The following LDLRAD3 variants were observed in gnomAD, a reference collection of about 807,000 sequenced individuals.
LDLRAD3 encodes low density lipoprotein receptor class A domain containing 3, also known as low-density lipoprotein receptor class A domain-containing protein 3.
In LDLRAD3, 20 loss-of-function variants were observed where a neutral mutation model predicts 29.4. The observed-to-expected ratio is 0.68, with a 90% CI of 0.48 to 0.99. The LOEUF (loss-of-function observed/expected upper bound fraction) is 0.99. Ranked by LOEUF, LDLRAD3 falls within the 50% of genes least tolerant of loss-of-function variation. The pLI, the probability that LDLRAD3 is intolerant of heterozygous loss-of-function variation, is 0.00. For synonymous variants in LDLRAD3, 157 were observed against 192.7 expected, an observed-to-expected ratio of 0.81 and a Z score of 1.53; for missense variants, 420 against 454.3, an observed-to-expected ratio of 0.92 and a Z score of 0.69.
chr11:36,192,633 A>G lies in LDLRAD3; in HGVS notation c.455-34452A>G, dbSNP rs543129607. On this transcript the variant is annotated intron_variant, in intron 4 of 5. Transcript: ENST00000315571. ...ATATCTGGCATATGTGCAGGATAAG[A>G]ATTCATTCTCTTTTTCTCTCACACT... is the stretch of plus-strand genomic sequence containing the variant. Among the ~76,000 whole-genome samples, 12 of 152,174 alleles carry G rather than the reference A, an allele frequency of 7.9e-5. No individual in the cohort carries two copies. In the South Asian group the frequency reaches 2.5e-3, roughly 32 times the overall value.
chr11:36,071,954 G>C (rs554090080), intron 2 of LDLRAD3, among the ~76,000 whole-genome samples: 1 of 152,206 alleles, frequency 6.6e-6, no homozygotes, highest in African/African-American at 2.4e-5. Flanking sequence ...ACTTCCCCAC[G>C]TGGTGGCAAT....
intron 1 of LDLRAD3, among the ~76,000 whole-genome samples, chr11:35,968,938 T>C (rs1851376016): frequency 6.6e-6 from 1 of 152,224 alleles, no homozygotes; most frequent in Admixed American, 6.5e-5. Context: ...AACTGGCAGA[T>C]GGGACTCTGT....
At chr11:36,046,309 G>T (rs1006278805) in intron 2 of LDLRAD3, among the ~76,000 whole-genome samples, 2 of 152,228 alleles carry the variant, frequency 1.3e-5, no homozygotes, top group Middle Eastern at 3.4e-3. Context: ...TGCCATGATT[G>T]TGAGGCCTCC....
chr11:36,014,618 C>T (rs1851997466), intron 1 of LDLRAD3, among the ~76,000 whole-genome samples: 1 of 152,130 alleles, frequency 6.6e-6, no homozygotes, highest in Non-Finnish European at 1.5e-5. Flanking sequence ...CCTTCCTCTC[C>T]CAGGGTTCAG....
At chr11:36,170,456 C>T (rs928718980) in intron 4 of LDLRAD3, among the ~76,000 whole-genome samples, 5 of 151,892 alleles carry the variant, frequency 3.3e-5, no homozygotes, top group Admixed American at 3.3e-4. Flanking sequence ...AATTGTGCTG[C>T]TATAAACATG....
chr11:36,095,272 A>C (rs1317730092), intron 3 of LDLRAD3, among the ~76,000 whole-genome samples: 2 of 152,216 alleles, frequency 1.3e-5, no homozygotes, highest in African/African-American at 4.8e-5. Flanking sequence ...AGGCTTTACT[A>C]TTCCTAAATG....
chr11:36,128,227 CAATT>C (rs1853871385), intron 4 of LDLRAD3, among the ~76,000 whole-genome samples: 1 of 150,896 alleles, frequency 6.6e-6, no homozygotes, highest in Non-Finnish European at 1.5e-5. Flanking sequence ...TGTAGGCAAA[CAATT>C]AATCAGCATC....
At chr11:36,144,727 G>A (rs1179219054) in intron 4 of LDLRAD3, among the ~76,000 whole-genome samples, 26 of 136,058 alleles carry the variant, frequency 1.9e-4, no homozygotes, top group African/African-American at 6.7e-4. Context: ...GAGCGTCTCC[G>A]CCCGGCAGCC....
At chr11:36,201,509 C>T (rs1295742440) in intron 4 of LDLRAD3, among the ~76,000 whole-genome samples, 2 of 152,006 alleles carry the variant, frequency 1.3e-5, no homozygotes, top group Non-Finnish European at 2.9e-5. Context: ...TTTGAAAGGA[C>T]AAAGTGTAAA....
intron 4 of LDLRAD3, among the ~76,000 whole-genome samples, chr11:36,203,426 A>G (rs934921898): frequency 1.3e-5 from 2 of 152,218 alleles, no homozygotes; most frequent in Non-Finnish European, 2.9e-5. Context: ...CAGGATTCAG[A>G]CATGGGTCTG....
At chr11:36,162,459 A>G (rs1466172416) in intron 4 of LDLRAD3, among the ~76,000 whole-genome samples, 5 of 152,168 alleles carry the variant, frequency 3.3e-5, no homozygotes, top group African/African-American at 1.2e-4. Flanking sequence ...ATAGCTTGCA[A>G]TAGACTTGTT....
At chr11:36,115,504 A>G (rs1853661923) in intron 4 of LDLRAD3, among the ~76,000 whole-genome samples, 2 of 152,142 alleles carry the variant, frequency 1.3e-5, no homozygotes, top group Non-Finnish European at 2.9e-5. Flanking sequence ...GAGAGCATTC[A>G]TGTGGCCCTT....
At chr11:36,207,743 A>G (rs1358504531) in intron 4 of LDLRAD3, among the ~76,000 whole-genome samples, 1 of 152,130 alleles carries the variant, frequency 6.6e-6, no homozygotes, top group African/African-American at 2.4e-5. Flanking sequence ...ACAAAAGGGC[A>G]TGAATCTCAA....
intron 4 of LDLRAD3, among the ~76,000 whole-genome samples, chr11:36,125,746 C>T (rs373907792): frequency 3.9e-4 from 59 of 152,238 alleles, no homozygotes; most frequent in Middle Eastern, 3.4e-3. Flanking sequence ...TTTGTGATTC[C>T]GTAAGTTATT....
intron 4 of LDLRAD3, among the ~76,000 whole-genome samples, chr11:36,106,170 G>T (rs1398426727): frequency 6.6e-6 from 1 of 152,134 alleles, no homozygotes; most frequent in African/African-American, 2.4e-5. Context: ...TATGGTGTGG[G>T]ACTTGGTAGA....
At chr11:35,986,272 A>G (rs1191009519) in intron 1 of LDLRAD3, among the ~76,000 whole-genome samples, 1 of 152,182 alleles carries the variant, frequency 6.6e-6, no homozygotes, top group Non-Finnish European at 1.5e-5. Context: ...TGGTTAAAGG[A>G]GAGATAATTT....
chr11:36,001,865 A>G (rs887878688), intron 1 of LDLRAD3, among the ~76,000 whole-genome samples: 5 of 151,754 alleles, frequency 3.3e-5, no homozygotes, highest in Admixed American at 2.0e-4. Context: ...AAGCATTTCT[A>G]ACTTGGTTTT....
rs148640972 is a variant in LDLRAD3, at chr11:36,140,643, ACTC to A, written c.454+42185_454+42187del. On this transcript the variant is annotated intron_variant, in intron 4 of 5. Transcript: ENST00000315571. The stretch of plus-strand genomic sequence containing the variant: ...TCCACGTTGCCCAGGCTGGTCCTGA[ACTC>A]CTGGGATCGAGCGATCTGCCCACTT... 6.4e-3 allele frequency among the ~76,000 whole-genome samples: 975 copies of A among 151,878 alleles called. 8 individuals are homozygous for A. The highest frequency in any genetic ancestry group is 0.022 in the African/African-American group (905 of 41,386).
chr11:35,983,062 C>T (rs955304273), intron 1 of LDLRAD3, among the ~76,000 whole-genome samples: 1 of 152,082 alleles, frequency 6.6e-6, no homozygotes, highest in Non-Finnish European at 1.5e-5. Flanking sequence ...CCATGTTGGC[C>T]AGGCTGGTCT....
Sources: gnomAD v4.1 joint callset for allele counts (sites outside exome capture counted in the v4.1 genomes callset) on GRCh38, gnomAD v4.1.1 for gene constraint, MANE v1.5 for transcripts, NCBI Gene and HGNC (gene_info 2026-07-23, HGNC 2026-07-21) for gene names.